The following SEMA3E variants were observed in gnomAD, a reference collection of about 807,000 sequenced individuals.
The protein encoded by SEMA3E is semaphorin 3E.
SEMA3E carries 49 observed loss-of-function variants against 93.6 expected under a neutral mutation model. The observed-to-expected ratio is 0.52, with a 90% CI of 0.42 to 0.66. The LOEUF is 0.66. Among genes scored for constraint, SEMA3E ranks in the 30% least tolerant of loss-of-function variants. SEMA3E has a pLI of 0.00. For missense variants in SEMA3E, 906 were observed against 964.8 expected (o/e 0.94, Z 0.81); for synonymous variants, 363 against 330.7 (o/e 1.10, Z -1.06).
Position 83,452,333 on chromosome 7 carries a change from A to T in SEMA3E, c.456+14149T>A, listed in dbSNP as rs1046899585. Among the ~76,000 whole-genome samples the T allele has an allele frequency of 4.6e-5, 7 of 152,108 alleles. No homozygotes were observed. In the East Asian group the frequency reaches 1.4e-3, roughly 29 times the overall value. ...TTATATTTGTTCAAGTGGGGGAAAA[A>T]AAAGCCCTCATAGTGGCTCCCTGTG... On this transcript the variant is annotated intron_variant, in intron 4 of 16. Transcript: ENST00000643230.
intron 9 of SEMA3E, 62 bp from the exon 10 acceptor site, chr7:83,402,838 AC>A: frequency 6.7e-7 from 1 of 1,482,136 alleles, no homozygotes; most frequent in Non-Finnish European, 9.3e-7. Flanking sequence ...CTAGCCAAAT[AC>A]CCCAGCCTAC....
chr7:83,441,169 A>G (rs919941366), intron 4 of SEMA3E, among the ~76,000 whole-genome samples: 3 of 152,216 alleles, frequency 2.0e-5, no homozygotes, highest in Non-Finnish European at 4.4e-5. Context: ...TTAGAAAAAC[A>G]GTTTATGGAT....
chr7:83,479,903 C>T (rs1562800510), intron 2 of SEMA3E, among the ~76,000 whole-genome samples: 2 of 152,046 alleles, frequency 1.3e-5, no homozygotes, highest in Admixed American at 1.3e-4. Flanking sequence ...AATTGTTAAA[C>T]ACAATAAGGA....
rs762503685 is a variant in SEMA3E at position 83,385,386 on chromosome 7, T to A, written c.1783A>T (p.Asn595Tyr). Residue 595 changes from asparagine to tyrosine, a missense_variant, in exon 16 of 17, where the codon AAC (asparagine) becomes TAC (tyrosine). By Grantham distance (143) the Asn-to-Tyr change is moderately radical. Coordinates refer to ENST00000643230, the MANE Select transcript of SEMA3E (RefSeq NM_012431.3). ...GTACATTCCAGCAAAGTACTGTTGT[T>A]CTCTATGCCATAAGCCAGATGTTCT... ...TEEHLAYGIE[N>Y]NSTLLECTPR... 1.9e-6 allele frequency: 3 copies of A among 1,613,550 alleles called. No individual in the cohort carries two copies. In the South Asian group the frequency reaches 3.3e-5, roughly 18 times the overall value.
intron 15 of SEMA3E, among the ~76,000 whole-genome samples, chr7:83,386,734 GT>G (rs1197496137): frequency 2.0e-5 from 3 of 152,074 alleles, no homozygotes; most frequent in African/African-American, 4.8e-5. Context: ...TTGTTCTAGG[GT>G]TTCTTTGTTT....
intron 16 of SEMA3E, among the ~76,000 whole-genome samples, chr7:83,381,236 T>G (rs1481152164): frequency 6.6e-6 from 1 of 151,986 alleles, no homozygotes; most frequent in Non-Finnish European, 1.5e-5. Context: ...CTGCGTGAGC[T>G]TTTCCTTGAC....
intron 1 of SEMA3E, among the ~76,000 whole-genome samples, chr7:83,492,847 T>A (rs969641726): frequency 5.9e-5 from 9 of 151,962 alleles, no homozygotes; most frequent in Non-Finnish European, 1.3e-4. Context: ...TTAATGACTA[T>A]CTTATGGTCA....
intron 1 of SEMA3E, among the ~76,000 whole-genome samples, chr7:83,499,842 C>T (rs138345140): frequency 5.3e-5 from 8 of 152,220 alleles, no homozygotes; most frequent in African/African-American, 1.7e-4. Context: ...CATATACGCG[C>T]ATGCACACAC....
chr7:83,543,734 A>G (rs1274177882), intron 1 of SEMA3E, among the ~76,000 whole-genome samples: 4 of 152,062 alleles, frequency 2.6e-5, no homozygotes, highest in Non-Finnish European at 5.9e-5. Flanking sequence ...AAGCAGATGA[A>G]TAACTCTATA....
chr7:83,388,437 A>ATTATTATTATTGTATTAAT (rs1787928474), intron 14 of SEMA3E, among the ~76,000 whole-genome samples: 1 of 151,564 alleles, frequency 6.6e-6, no homozygotes, highest in African/African-American at 2.4e-5. Flanking sequence ...ATTAGTATTA[A>ATTATTATTATTGTATTAAT]TAGTATTGAA....
intron 1 of SEMA3E, among the ~76,000 whole-genome samples, chr7:83,568,719 C>A (rs1792213265): frequency 1.3e-5 from 2 of 151,918 alleles, no homozygotes; most frequent in South Asian, 4.1e-4. Flanking sequence ...AAGAAATATG[C>A]CTCAACATAA....
At chr7:83,429,821 C>G (rs1331584302) in intron 4 of SEMA3E, among the ~76,000 whole-genome samples, 2 of 151,962 alleles carry the variant, frequency 1.3e-5, no homozygotes, top group African/African-American at 4.8e-5. Context: ...CGGTTTTTTG[C>G]TTATTCGTTT....
chr7:83,556,920 T>C (rs1416999892), intron 1 of SEMA3E, among the ~76,000 whole-genome samples: 5 of 152,140 alleles, frequency 3.3e-5, no homozygotes, highest in Non-Finnish European at 7.3e-5. Context: ...GAGGACACAG[T>C]GTTCAAGGCA....
chr7:83,477,846 G>A (rs1018940791), intron 2 of SEMA3E, among the ~76,000 whole-genome samples: 1 of 151,636 alleles, frequency 6.6e-6, no homozygotes, highest in African/African-American at 2.4e-5. Flanking sequence ...AATGAGAAAG[G>A]CATAAATATT....
chr7:83,572,954 C>G (rs1792317360), intron 1 of SEMA3E, among the ~76,000 whole-genome samples: 1 of 151,874 alleles, frequency 6.6e-6, no homozygotes, highest in South Asian at 2.1e-4. Context: ...ACGGAAATAC[C>G]CTTCTTGATA....
chr7:83,621,565 C>T (rs1793556211), intron 1 of SEMA3E, among the ~76,000 whole-genome samples: 1 of 152,166 alleles, frequency 6.6e-6, no homozygotes, highest in Admixed American at 6.5e-5. Flanking sequence ...AAGAACAAAG[C>T]TGGAGGCATC....
At chr7:83,371,687 C>A (rs1276157991) in intron 16 of SEMA3E, 1 of 152,042 alleles carries the variant, frequency 6.6e-6, no homozygotes, top group East Asian at 1.9e-4. Context: ...AGAATCAACC[C>A]CTCCTTTTCA....
chr7:83,557,593 C>A (rs215265), intron 1 of SEMA3E, among the ~76,000 whole-genome samples: 3,723 of 151,918 alleles, frequency 0.025, 151 homozygotes, highest in African/African-American at 0.085. Context: ...TAATATTTGA[C>A]AAGGTATTCA....
At chr7:83,399,768 G>C (rs1788201102) in intron 11 of SEMA3E, among the ~76,000 whole-genome samples, 1 of 151,504 alleles carries the variant, frequency 6.6e-6, no homozygotes, top group Non-Finnish European at 1.5e-5. Context: ...TCTCACATCT[G>C]AAAAAAAACC....
Sources: gnomAD v4.1 joint callset for allele counts (sites outside exome capture counted in the v4.1 genomes callset) on GRCh38, gnomAD v4.1.1 for gene constraint, MANE v1.5 for transcripts, NCBI Gene and HGNC (gene_info 2026-07-23, HGNC 2026-07-21) for gene names.